CYREN: variants seen among roughly 807,000 people sequenced by gnomAD.
CYREN encodes cell cycle regulator of non-homologous end joining.
Under a neutral mutation model 9.7 loss-of-function variants are expected in CYREN, and 7 were observed. The observed-to-expected ratio is 0.72, with a 90% CI of 0.41 to 1.36. The LOEUF is 1.36. Among genes scored for constraint, CYREN ranks in the 40% most tolerant of loss-of-function variants. CYREN has a pLI of 0.01. For missense variants in CYREN, 215 were observed against 198.1 expected (o/e 1.09, Z -0.51); for synonymous variants, 76 against 77.9 (o/e 0.98, Z 0.13).
At chr7:135,115,411 A>C in intron 2 of CYREN, 1 of 1,551,004 alleles carries the variant, frequency 6.4e-7, no homozygotes, top group East Asian at 2.4e-5. Flanking sequence ...GCAAAATAAA[A>C]GAATGCATAT....
intron 2 of CYREN, among the ~76,000 whole-genome samples, chr7:135,098,512 T>C (rs936126324): frequency 1.3e-5 from 2 of 152,188 alleles, no homozygotes; most frequent in Admixed American, 1.3e-4. Flanking sequence ...AATCCACGGA[T>C]GTGGAGCCCA....
intron 2 of CYREN, among the ~76,000 whole-genome samples, chr7:135,131,334 G>A (rs1828737399): frequency 6.6e-6 from 1 of 151,824 alleles, no homozygotes; most frequent in African/African-American, 2.4e-5. Flanking sequence ...GTGAGGGGAG[G>A]GAACATAGAG....
chr7:135,138,432 A>G (rs940740581), intron 2 of CYREN, among the ~76,000 whole-genome samples: 12 of 152,044 alleles, frequency 7.9e-5, no homozygotes, highest in Non-Finnish European at 8.8e-5. Flanking sequence ...CCCTGTTACA[A>G]AATACTTGTA....
intron 2 of CYREN, among the ~76,000 whole-genome samples, chr7:135,143,583 T>A (rs189900964): frequency 6.6e-6 from 1 of 152,236 alleles, no homozygotes; most frequent in African/African-American, 2.4e-5. Flanking sequence ...ATGAGATATC[T>A]CTGTACCTTC....
intron 1 of CYREN, chr7:135,170,419 G>A (rs939630629): frequency 1.3e-5 from 2 of 152,310 alleles, no homozygotes; most frequent in Non-Finnish European, 2.9e-5. Flanking sequence ...CCCAGAGGGC[G>A]GGTGAGTGCG....
At chr7:135,112,924 T>TGCC (rs1825841364) in intron 2 of CYREN, among the ~76,000 whole-genome samples, 2 of 152,240 alleles carry the variant, frequency 1.3e-5, no homozygotes, top group African/African-American at 4.8e-5. Flanking sequence ...ATTACAGAAC[T>TGCC]CGCCACCATG....
chr7:135,113,407 A>G (rs1825906376), intron 2 of CYREN, among the ~76,000 whole-genome samples: 1 of 152,158 alleles, frequency 6.6e-6, no homozygotes, highest in Admixed American at 6.5e-5. Context: ...GAATATTTTA[A>G]AATAAATTCT....
intron 2 of CYREN, among the ~76,000 whole-genome samples, chr7:135,146,317 G>A (rs1829547085): frequency 6.6e-6 from 1 of 152,056 alleles, no homozygotes; most frequent in South Asian, 2.1e-4. Flanking sequence ...GCGGTTCATG[G>A]CACCCCAAAA....
chr7:135,164,699 C>T (rs34745748), downstream of CYREN: 1,243 of 1,614,208 alleles, frequency 7.7e-4, 3 homozygotes, highest in Non-Finnish European at 1.0e-3. Context: ...CCAGGCTTGG[C>T]GTGTACGGGT....
At chr7:135,157,257 T>C (rs544056707) in intron 2 of CYREN, among the ~76,000 whole-genome samples, 9 of 152,262 alleles carry the variant, frequency 5.9e-5, no homozygotes, top group Non-Finnish European at 1.2e-4. Context: ...TGAGGATATA[T>C]GCATGTTGTT....
Position 135,144,938 on chromosome 7 carries a change from TAAAAAAAAA to T in CYREN, n.356+23802_356+23810del, listed in dbSNP as rs58443282. ...ACAGAGAGACCCTGTCTCAAAAGAG[TAAAAAAAAA>T]AAAAAAAAAAAAAAAAAAAAAAGAA... On this transcript the variant is annotated intron_variant and non_coding_transcript_variant, in intron 2 of 2. Transcript: ENST00000459937. Among the ~76,000 whole-genome samples the T allele has an allele frequency of 4.4e-4, 20 of 45,626 alleles. 1 individual carries two copies. The South Asian group carries it at 0.01, about 23-fold the overall frequency. 29.9% of individuals were successfully genotyped at this position (45,626 alleles called of 152,430 possible). A position where few individuals can be genotyped will look rare whatever the true frequency, so the allele number is the denominator to read the frequency against.
intron 2 of CYREN, among the ~76,000 whole-genome samples, chr7:135,097,204 G>A (rs548550943): frequency 1.3e-5 from 2 of 152,198 alleles, no homozygotes; most frequent in South Asian, 4.1e-4. Context: ...AAAATATCCC[G>A]TCGGTCAACA....
At chr7:135,145,710 T>C (rs142997426) in intron 2 of CYREN, among the ~76,000 whole-genome samples, 1 of 152,288 alleles carries the variant, frequency 6.6e-6, no homozygotes, top group Non-Finnish European at 1.5e-5. Flanking sequence ...GTAATCTTAA[T>C]TTTCTACATG....
At chr7:135,128,528 G>A (rs1828274585) in intron 2 of CYREN, 3 of 764,010 alleles carry the variant, frequency 3.9e-6, no homozygotes, top group Admixed American at 3.4e-5. Context: ...AAAGCAGTCT[G>A]TCCAAGGTGG....
At chr7:135,131,809 C>T (rs1287640363) in intron 2 of CYREN, among the ~76,000 whole-genome samples, 3 of 151,364 alleles carry the variant, frequency 2.0e-5, no homozygotes, top group African/African-American at 7.3e-5. Context: ...TTAATACTGA[C>T]AAATAAAGAA....
At chr7:135,171,569 A>C (rs1366434354), upstream of CYREN, among the ~76,000 whole-genome samples, 1 of 152,164 alleles carries the variant, frequency 6.6e-6, no homozygotes, top group Non-Finnish European at 1.5e-5. Context: ...CAAATCAATC[A>C]CGACCCTTTC....
At chr7:135,104,011 A>G (rs1048641295) in intron 2 of CYREN, among the ~76,000 whole-genome samples, 6 of 152,064 alleles carry the variant, frequency 3.9e-5, no homozygotes, top group African/African-American at 1.4e-4. Context: ...GTTTGTACAG[A>G]TTATTTCATC....
intron 2 of CYREN, among the ~76,000 whole-genome samples, chr7:135,105,473 C>T (rs1328274782): frequency 1.3e-5 from 2 of 152,194 alleles, no homozygotes; most frequent in African/African-American, 2.4e-5. Flanking sequence ...ATCCCAGCAC[C>T]TGTTATTGAA....
At chr7:135,103,640 A>G (rs1355372795) in intron 2 of CYREN, among the ~76,000 whole-genome samples, 3 of 152,084 alleles carry the variant, frequency 2.0e-5, no homozygotes, top group Non-Finnish European at 2.9e-5. Flanking sequence ...TTCACATTCT[A>G]TCTCAGTAGG....
Sources: gnomAD v4.1 joint callset for allele counts (sites outside exome capture counted in the v4.1 genomes callset) on GRCh38, gnomAD v4.1.1 for gene constraint, MANE v1.5 for transcripts, NCBI Gene and HGNC (gene_info 2026-07-23, HGNC 2026-07-21) for gene names.